Variants in KNTC1 observed in about 807,000 individuals in gnomAD.
The protein encoded by KNTC1 is kinetochore-associated protein 1.
KNTC1 carries 253 observed loss-of-function variants against 314.4 expected under a neutral mutation model. That is an observed-to-expected ratio of 0.80 (90% CI 0.73 to 0.89). KNTC1 has a LOEUF of 0.89. KNTC1 is among the 40% of genes least tolerant of loss of function. The pLI, the probability that KNTC1 is intolerant of heterozygous loss-of-function variation, is 0.00. For synonymous variants in KNTC1, 901 were observed against 901.4 expected (o/e 1.00, Z 0.01); for missense variants, 2,475 against 2,572.9 (o/e 0.96, Z 0.82).
Position 122,604,931 on chromosome 12 carries a change from C to T in KNTC1, c.5230C>T (p.Arg1744Trp), listed in dbSNP as rs746190485. The change falls in exon 50 of 64, where the codon CGG (arginine) becomes TGG (tryptophan). Residue 1744 changes from arginine (R) to tryptophan (W), a missense_variant. Physicochemically the swap from Arg to Trp is moderately radical, Grantham distance 101 (BLOSUM62 -3). Coordinates refer to ENST00000333479, the MANE Select transcript of KNTC1 (RefSeq NM_014708.6). The part of the protein sequence containing the change: ...ALLKKLHIQY[R>W]RSGTEAVLIA... Reference sequence around the variant, plus strand: ...GTTGAAGAAGCTTCATATCCAGTACCGGCGATCGGGCACAGAAGCTGTGCT... The same window carrying T: ...GTTGAAGAAGCTTCATATCCAGTACTGGCGATCGGGCACAGAAGCTGTGCT... 3.3e-5 allele frequency: 53 copies of T among 1,610,278 alleles called. 1 individual carries two copies. The highest frequency in any genetic ancestry group is 3.1e-4 in the South Asian group (28 of 90,226).
intron 57 of KNTC1, among the ~76,000 whole-genome samples, chr12:122,616,963 T>G (rs1222971888): frequency 6.6e-6 from 1 of 152,222 alleles, no homozygotes; most frequent in African/African-American, 2.4e-5. Context: ...TTCTGGACAT[T>G]TTGTATCAAC....
chr12:122,543,558 G>A, intron 6 of KNTC1, 42 bp from the exon 7 acceptor site: 2 of 1,356,556 alleles, frequency 1.5e-6, no homozygotes, highest in Non-Finnish European at 2.0e-6. Context: ...TTATTTTGTA[G>A]ATTAATACTA....
At position 122,549,875 on chromosome 12, in the gene KNTC1, T is replaced by C. The variant is rs1380182340; in HGVS notation, c.1086+11T>C. The C allele has an allele frequency of 4.2e-6, 6 of 1,429,358 alleles. No individual in the cohort carries two copies. The Middle Eastern group carries it at 9.3e-4, about 222-fold the overall frequency. The allele number at this position is 1,429,358 out of a possible 1,614,324, so 88.5% of individuals were successfully genotyped here. ...ACAGGAATTAGCACAGTAAGTTTATTTGCATTTTAAAGTATTCTTTTAACT... is the reference window on the plus strand; with the variant it reads ...ACAGGAATTAGCACAGTAAGTTTATCTGCATTTTAAAGTATTCTTTTAACT... On this transcript the variant is annotated intron_variant, in intron 13 of 63. Coordinates refer to ENST00000333479, the MANE Select transcript of KNTC1 (RefSeq NM_014708.6).
chr12:122,564,365 G>T (rs567543708), intron 20 of KNTC1, among the ~76,000 whole-genome samples: 2 of 152,224 alleles, frequency 1.3e-5, no homozygotes, highest in South Asian at 4.1e-4. Context: ...AAGTAATGAA[G>T]ATTTGTTTAA....
At chr12:122,561,566 G>A (rs1963980669) in intron 18 of KNTC1, among the ~76,000 whole-genome samples, 1 of 151,808 alleles carries the variant, frequency 6.6e-6, no homozygotes, top group South Asian at 2.1e-4. Flanking sequence ...GGATTCTCGT[G>A]CCTCAGGCTC....
intron 62 of KNTC1, among the ~76,000 whole-genome samples, chr12:122,623,986 T>G (rs1874725165): frequency 1.3e-5 from 2 of 152,108 alleles, no homozygotes; most frequent in Admixed American, 1.3e-4. Context: ...GAGAATCGCT[T>G]GAACCCAGGA....
At chr12:122,580,343 G>GA (rs906617097) in intron 32 of KNTC1, among the ~76,000 whole-genome samples, 4 of 151,350 alleles carry the variant, frequency 2.6e-5, no homozygotes, top group African/African-American at 9.7e-5. Flanking sequence ...ACTTTCCAGG[G>GA]AAAAAAAAGA....
intron 7 of KNTC1, 64 bp from the exon 8 acceptor site, chr12:122,544,095 T>G (rs1962576737): frequency 1.3e-5 from 9 of 695,622 alleles, no homozygotes; most frequent in Non-Finnish European, 1.7e-5. Context: ...TCAACTGATT[T>G]TAGTGATTTT....
chr12:122,619,523 C>A (rs1195777374), intron 59 of KNTC1, among the ~76,000 whole-genome samples: 1 of 152,144 alleles, frequency 6.6e-6, no homozygotes, highest in East Asian at 1.9e-4. Flanking sequence ...CGCCGTTCTC[C>A]CGCCTCAGCC....
intron 43 of KNTC1, among the ~76,000 whole-genome samples, chr12:122,595,066 G>T (rs1157945905): frequency 6.6e-6 from 1 of 152,088 alleles, no homozygotes; most frequent in African/African-American, 2.4e-5. Context: ...AATAGAGATG[G>T]GGTTTCACCA....
chr12:122,617,054 C>T (rs567252748), intron 57 of KNTC1, among the ~76,000 whole-genome samples: 1 of 152,264 alleles, frequency 6.6e-6, no homozygotes, highest in South Asian at 2.1e-4. Context: ...GAACTTCATT[C>T]GTCTTTATTG....
At chr12:122,583,053 T>C (rs917057586) in intron 34 of KNTC1, 68 bp downstream of exon 34, 44 of 1,423,336 alleles carry the variant, frequency 3.1e-5, no homozygotes, top group Non-Finnish European at 8.6e-6. Context: ...AACTCATACC[T>C]GTAATCCCAG....
Position 122,561,961 on chromosome 12 carries a change from A to G in KNTC1, c.1529A>G (p.Asp510Gly). The G allele has an allele frequency of 6.3e-7, 1 of 1,596,258 alleles. No individual in the cohort carries two copies. Among genetic ancestry groups the G allele is most frequent in the Non-Finnish European group, 8.6e-7 (1 of 1,167,064 alleles). ...KEDKTALIYS[D>G]GLKEVLRAHA... ...GATAAAACTGCTCTCATTTATTCTG[A>G]TGGCTTGAAAGAGGTAATTACACTA... Residue 510 changes from aspartate (D) to glycine (G), a missense_variant, in exon 19 of 64, where the codon GAT becomes GGT. By Grantham distance (94) the Asp-to-Gly change is moderately conservative (BLOSUM62 -1). Transcript: ENST00000333479.
rs574721462 is a variant in KNTC1, at chr12:122,547,290, G to A, written c.817-125G>A. 4.2e-5 allele frequency: 24 copies of A among 568,024 alleles called. No individual in the cohort carries two copies. The South Asian group carries it at 4.6e-4, about 11-fold the overall frequency. 35.2% of individuals were successfully genotyped at this position (568,024 alleles called of 1,614,324 possible). ...CTCAGGAATCTGAGGCAGGAGAATC[G>A]CTTGAACCTGGGAGGTGGAGGTTGC... On this transcript the variant is annotated intron_variant, in intron 10 of 63. Transcript: ENST00000333479.
chr12:122,560,097 C>T (rs1233953573), intron 18 of KNTC1, among the ~76,000 whole-genome samples: 1 of 152,122 alleles, frequency 6.6e-6, no homozygotes, highest in Non-Finnish European at 1.5e-5. Flanking sequence ...ATCATTTAAT[C>T]ATTTAAGACA....
At chr12:122,535,410 G>A (rs556469812) in intron 3 of KNTC1, among the ~76,000 whole-genome samples, 1 of 152,296 alleles carries the variant, frequency 6.6e-6, no homozygotes, top group Non-Finnish European at 1.5e-5. Context: ...GAAGGCCCAG[G>A]TGGGTGGATT....
intron 52 of KNTC1, among the ~76,000 whole-genome samples, 193 bp downstream of exon 52, chr12:122,609,623 A>G (rs1342832124): frequency 1.3e-5 from 2 of 152,038 alleles, no homozygotes; most frequent in African/African-American, 4.8e-5. Context: ...GCCAAGATCT[A>G]GAATTTCTGA....
intron 51 of KNTC1, among the ~76,000 whole-genome samples, chr12:122,606,921 T>C (rs1056942716): frequency 6.6e-6 from 1 of 152,186 alleles, no homozygotes; most frequent in Non-Finnish European, 1.5e-5. Context: ...AAATCAGAAA[T>C]TTAATGGTGA....
chr12:122,621,027 A>G (rs1185394389), intron 60 of KNTC1, among the ~76,000 whole-genome samples: 3 of 152,178 alleles, frequency 2.0e-5, no homozygotes, highest in Admixed American at 2.0e-4. Flanking sequence ...TAGGCAGGGA[A>G]GGCTTGAGGG....
Sources: gnomAD v4.1 joint callset for allele counts (sites outside exome capture counted in the v4.1 genomes callset) on GRCh38, gnomAD v4.1.1 for gene constraint, MANE v1.5 for transcripts, NCBI Gene and HGNC (gene_info 2026-07-23, HGNC 2026-07-21) for gene names.